WWC2: variants seen among roughly 807,000 people sequenced by gnomAD.
WWC2 encodes the protein WW and C2 domain containing 2.
WWC2 carries 101 observed loss-of-function variants against 138.5 expected under a neutral mutation model. The ratio of observed to expected loss-of-function variants is 0.73; its 90% CI spans 0.62 to 0.86. WWC2 has a LOEUF of 0.86. WWC2 is among the 40% of genes least tolerant of loss of function. The pLI is 0.00. For missense variants in WWC2, 1,420 were observed against 1,419.4 expected, an observed-to-expected ratio of 1.00 and a Z score of -0.01; for synonymous variants, 558 against 538.4, an observed-to-expected ratio of 1.04 and a Z score of -0.50.
chr4:183,199,466 C>T (rs1735244929), intron 2 of WWC2, among the ~76,000 whole-genome samples: 2 of 152,188 alleles, frequency 1.3e-5, no homozygotes, highest in Admixed American at 1.3e-4. Flanking sequence ...GTCACTATTT[C>T]TTCTACATTT....
chr4:183,277,449 A>G (rs1442471209), intron 16 of WWC2, among the ~76,000 whole-genome samples: 11 of 150,972 alleles, frequency 7.3e-5, no homozygotes, highest in Non-Finnish European at 1.0e-4. Context: ...ATACGTGTGC[A>G]TGTGTCTTTA....
In WWC2 at chr4:183,099,411, G is replaced by A; in HGVS notation, c.-81G>A. On this transcript the variant is annotated 5_prime_UTR_variant, in exon 1 of 23. Transcript: ENST00000403733. ...CCGGCGCCCGCGTCGCGGGTTGGCA[G>A]CCTAGCCCGGCAGCCGCGTTCCCGC... The A allele has an allele frequency of 8.5e-7, 1 of 1,176,452 alleles. No individual in the cohort carries two copies. Among genetic ancestry groups the A allele is most frequent in the Non-Finnish European group, 1.1e-6 (1 of 948,830 alleles). 72.9% of individuals were successfully genotyped at this position (1,176,452 alleles called of 1,614,324 possible). A position where few individuals can be genotyped will look rare whatever the true frequency, so the allele number is the denominator to read the frequency against.
chr4:183,245,583 C>G (rs1736752997), intron 6 of WWC2, 38 bp downstream of exon 6: 1 of 1,519,990 alleles, frequency 6.6e-7, no homozygotes, highest in South Asian at 1.3e-5. Flanking sequence ...AAACTTCTAC[C>G]TTCTGAGGCC....
intron 1 of WWC2, among the ~76,000 whole-genome samples, chr4:183,160,879 A>G (rs1733943785): frequency 6.6e-6 from 1 of 152,214 alleles, no homozygotes; most frequent in Admixed American, 6.5e-5. Flanking sequence ...TTGATGAGAT[A>G]AGTTGTAAGG....
intron 1 of WWC2, among the ~76,000 whole-genome samples, chr4:183,141,594 A>G (rs923883020): frequency 1.3e-5 from 2 of 152,172 alleles, no homozygotes; most frequent in Non-Finnish European, 2.9e-5. Context: ...GTTAAAAATT[A>G]TTACCAAGTG....
At position 183,240,263 on chromosome 4, in the gene WWC2, G is replaced by A; in HGVS notation, c.602+1G>A. 6.5e-7 allele frequency: 1 copy of A among 1,548,274 alleles called. No individual in the cohort carries two copies. Among genetic ancestry groups the A allele is most frequent in the Non-Finnish European group, 8.7e-7 (1 of 1,146,236 alleles). On this transcript the variant is annotated splice_donor_variant, in intron 5 of 22. Coordinates refer to ENST00000403733, the MANE Select transcript of WWC2 (RefSeq NM_024949.6). LOFTEE classifies it high-confidence loss of function. ...AACAAGGCTTTGAAACATTGCAGCAGTGAGTATGAAAAGACTGAATCAACT... is the reference window on the plus strand; with the variant it reads ...AACAAGGCTTTGAAACATTGCAGCAATGAGTATGAAAAGACTGAATCAACT...
chr4:183,238,421 A>G (rs1440435279), intron 4 of WWC2, among the ~76,000 whole-genome samples: 3 of 152,258 alleles, frequency 2.0e-5, no homozygotes, highest in Non-Finnish European at 4.4e-5. Context: ...CACAGTGACT[A>G]TTTAAAATCA....
intron 1 of WWC2, among the ~76,000 whole-genome samples, chr4:183,168,815 T>A (rs923886292): frequency 3.9e-5 from 6 of 152,220 alleles, no homozygotes; most frequent in African/African-American, 1.4e-4. Flanking sequence ...AAAAACTCTT[T>A]AAATATGAAA....
At chr4:183,172,385 G>T (rs1734314570) in intron 1 of WWC2, among the ~76,000 whole-genome samples, 1 of 152,074 alleles carries the variant, frequency 6.6e-6, no homozygotes, top group Non-Finnish European at 1.5e-5. Context: ...ATTTGTTGAG[G>T]CTTTGCATCT....
At chr4:183,195,219 A>T (rs1163803437) in intron 2 of WWC2, among the ~76,000 whole-genome samples, 1 of 152,200 alleles carries the variant, frequency 6.6e-6, no homozygotes, top group African/African-American at 2.4e-5. Flanking sequence ...AAATATCTGA[A>T]ATGTATTAAC....
intron 1 of WWC2, among the ~76,000 whole-genome samples, chr4:183,176,388 G>T (rs1734467920): frequency 6.6e-6 from 1 of 152,006 alleles, no homozygotes. Context: ...TCTTTTAGTT[G>T]TACTCAGGGC....
In WWC2 at chr4:183,286,018, G is replaced by A. The variant is rs781508097; in HGVS notation, c.3100G>A (p.Val1034Met). 7 of 1,595,168 alleles carry A rather than the reference G, an allele frequency of 4.4e-6. No individual in the cohort carries two copies. In the Admixed American group the frequency reaches 1.2e-4, roughly 28 times the overall value. ...AACCCTGGCTAAAAAATCACTGTTT[G>A]TGAGAAACTCCACCGAACGCCGCAG... The part of the protein sequence containing the change: ...SSTLAKKSLF[V>M]RNSTERRSLR... The change falls in exon 20 of 23, where the codon GTG becomes ATG. Residue 1034 changes from valine to methionine, a missense_variant. Coordinates refer to ENST00000403733, the MANE Select transcript of WWC2 (RefSeq NM_024949.6).
chr4:183,143,057 C>A (rs914489144), intron 1 of WWC2, among the ~76,000 whole-genome samples: 3 of 152,136 alleles, frequency 2.0e-5, no homozygotes, highest in African/African-American at 7.2e-5. Context: ...CAAGCACTGT[C>A]CCCACACCAT....
At chr4:183,233,512 A>G (rs949598418) in intron 4 of WWC2, 2 of 151,996 alleles carry the variant, frequency 1.3e-5, no homozygotes, top group South Asian at 2.1e-4. Flanking sequence ...ATTAATATTT[A>G]TCTGTTATTT....
chr4:183,278,502 A>C (rs1319744902), intron 16 of WWC2, among the ~76,000 whole-genome samples: 97 of 152,058 alleles, frequency 6.4e-4, no homozygotes, highest in East Asian at 9.7e-4. Context: ...TAGTTTTTTC[A>C]AATTCTGTGA....
intron 21 of WWC2, among the ~76,000 whole-genome samples, chr4:183,302,015 G>A (rs1275163770): frequency 6.6e-6 from 1 of 152,182 alleles, no homozygotes; most frequent in Non-Finnish European, 1.5e-5. Context: ...AAATGTTACT[G>A]TAACTCATTA....
chr4:183,156,517 A>C (rs1195540393), intron 1 of WWC2, among the ~76,000 whole-genome samples: 1 of 151,900 alleles, frequency 6.6e-6, no homozygotes, highest in African/African-American at 2.4e-5. Context: ...TTTTTAGTAG[A>C]AACGGGGTTT....
chr4:183,232,577 C>T (rs80019264), intron 4 of WWC2, among the ~76,000 whole-genome samples: 3,635 of 152,228 alleles, frequency 0.024, 148 homozygotes, highest in African/African-American at 0.083. Flanking sequence ...TTTCAAGGTT[C>T]GTTCATGTTG....
At chr4:183,253,723 T>C in intron 8 of WWC2, 34 bp from the exon 9 acceptor site, 2 of 1,591,290 alleles carry the variant, frequency 1.3e-6, no homozygotes, top group Non-Finnish European at 1.7e-6. Context: ...GAGTTTTAAG[T>C]ATGTGCATAC....
Sources: allele counts gnomAD v4.1 joint callset (sites outside exome capture counted in the v4.1 genomes callset), GRCh38; gene constraint gnomAD v4.1.1; transcripts MANE v1.5; gene names NCBI Gene and HGNC (gene_info 2026-07-23, HGNC 2026-07-21).